DPY19L1: variants seen among roughly 807,000 people sequenced by gnomAD.
The protein encoded by DPY19L1 is protein C-mannosyl-transferase DPY19L1.
A neutral mutation model predicts 96.9 loss-of-function variants in DPY19L1; 35 were observed. The observed-to-expected ratio is 0.36, with a 90% CI of 0.28 to 0.48. The LOEUF (loss-of-function observed/expected upper bound fraction) is 0.48. Ranked by LOEUF, DPY19L1 falls within the 20% of genes least tolerant of loss-of-function variation. The pLI is 0.99. For missense variants in DPY19L1, 521 were observed against 777.9 expected, an observed-to-expected ratio of 0.67 and a Z score of 3.93; for synonymous variants, 205 against 252.6, an observed-to-expected ratio of 0.81 and a Z score of 1.79.
chr7:34,974,342 A>G (rs571661187), intron 7 of DPY19L1, among the ~76,000 whole-genome samples: 1 of 152,324 alleles, frequency 6.6e-6, no homozygotes, highest in African/African-American at 2.4e-5. Flanking sequence ...AGTCACACTA[A>G]AATAATGATG....
At chr7:34,961,773 G>A (rs563197099) in intron 10 of DPY19L1, among the ~76,000 whole-genome samples, 5 of 151,890 alleles carry the variant, frequency 3.3e-5, no homozygotes, top group African/African-American at 4.8e-5. Context: ...CTTAAAACTC[G>A]ACAATAAGGA....
intron 1 of DPY19L1, among the ~76,000 whole-genome samples, chr7:35,019,528 G>C (rs1785941514): frequency 6.6e-6 from 1 of 151,262 alleles, no homozygotes; most frequent in African/African-American, 2.4e-5. Flanking sequence ...GAAGGAAGAA[G>C]AGAAGGAGAA....
intron 3 of DPY19L1, among the ~76,000 whole-genome samples, chr7:35,013,913 A>C (rs2128678820): frequency 6.6e-6 from 1 of 152,332 alleles, no homozygotes; most frequent in Admixed American, 6.5e-5. Flanking sequence ...GAAATAACTG[A>C]ATGCAAAATA....
chr7:35,012,561 T>C lies in DPY19L1; in HGVS notation c.549+1007A>G, dbSNP rs1336529543. Reference sequence around the variant, plus strand: ...CTCATCAGTGTTAGGTTACACACAATACATTTTCAAAAAACAATTCAAGGT... The same window carrying C: ...CTCATCAGTGTTAGGTTACACACAACACATTTTCAAAAAACAATTCAAGGT... On this transcript the variant is annotated intron_variant, in intron 4 of 21. Coordinates refer to ENST00000638088, the MANE Select transcript of DPY19L1 (RefSeq NM_001366673.1). Among the ~76,000 whole-genome samples the C allele has an allele frequency of 7.9e-5, 12 of 152,294 alleles. 1 individual carries two copies. Among genetic ancestry groups the C allele is most frequent in the East Asian group, 7.7e-4 (4 of 5,188 alleles).
chr7:34,946,017 C>G (rs1227546269), intron 15 of DPY19L1, among the ~76,000 whole-genome samples: 5 of 152,202 alleles, frequency 3.3e-5, no homozygotes, highest in Non-Finnish European at 7.3e-5. Context: ...AGTCTTGAAA[C>G]CAGATCTTCT....
rs372049343 is a variant in DPY19L1 at position 34,940,315 on chromosome 7, G to C, written c.1702C>G (p.Leu568Val). ...GCACCAGGATGTACTTTGCAAAAGA[G>C]CCATCCAAATAGCTGAAACCAAATT... ...LICSRQLFGW[L>V]FCKVHPGAIV... The change falls in exon 19 of 22, where the codon CTC becomes GTC. Residue 568 changes from leucine to valine, a missense_variant. Coordinates refer to ENST00000638088, the MANE Select transcript of DPY19L1 (RefSeq NM_001366673.1). 3.7e-6 allele frequency: 6 copies of C among 1,607,080 alleles called. No homozygotes were observed. Among genetic ancestry groups the C allele is most frequent in the African/African-American group, 1.3e-5 (1 of 74,590 alleles).
intron 7 of DPY19L1, among the ~76,000 whole-genome samples, chr7:34,976,183 C>G (rs956856521): frequency 1.3e-5 from 2 of 152,114 alleles, no homozygotes; most frequent in South Asian, 4.2e-4. Context: ...TTTCAGATAC[C>G]ATTAAAATCA....
chr7:34,941,791 T>C lies in DPY19L1; in HGVS notation c.1663A>G (p.Met555Val), dbSNP rs746235796. 1.3e-6 allele frequency: 2 copies of C among 1,599,186 alleles called. No individual in the cohort carries two copies. Among genetic ancestry groups the C allele is most frequent in the Non-Finnish European group, 1.7e-6 (2 of 1,175,734 alleles). Residue 555 changes from methionine to valine, a missense_variant, in exon 18 of 22, where the codon ATG becomes GTG. Coordinates refer to ENST00000638088, the MANE Select transcript of DPY19L1 (RefSeq NM_001366673.1). ...KLFLTPHMCV[M>V]ASLICSRQLF... Reference sequence around the variant, plus strand: ...TGTCTTGAGCAGATCAGTGATGCCATAACACACATGTGTGGTGTCAAGAAG... The same window carrying C: ...TGTCTTGAGCAGATCAGTGATGCCACAACACACATGTGTGGTGTCAAGAAG...
chr7:35,018,456 T>C, intron 2 of DPY19L1, 116 bp downstream of exon 2: 2 of 891,766 alleles, frequency 2.2e-6, no homozygotes, highest in South Asian at 3.1e-5. Context: ...TTGTGTTACA[T>C]GTAATATATA....
intron 7 of DPY19L1, among the ~76,000 whole-genome samples, chr7:34,977,360 T>C (rs1163429909): frequency 6.6e-6 from 1 of 152,194 alleles, no homozygotes; most frequent in Non-Finnish European, 1.5e-5. Context: ...TCCCCCACAT[T>C]TGTTACCCAC....
chr7:34,989,651 A>C (rs761979072), intron 7 of DPY19L1, among the ~76,000 whole-genome samples: 7,914 of 152,024 alleles, frequency 0.052, 472 homozygotes, highest in Admixed American at 0.19. Context: ...CAACAAAAAA[A>C]AAAAACAGAA....
intron 1 of DPY19L1, among the ~76,000 whole-genome samples, chr7:35,023,614 T>A (rs1208268520): frequency 3.3e-5 from 5 of 152,154 alleles, no homozygotes; most frequent in Non-Finnish European, 5.9e-5. Flanking sequence ...TGAGTATTTA[T>A]CAGCATTTTA....
intron 6 of DPY19L1, among the ~76,000 whole-genome samples, chr7:34,997,945 TTAA>T (rs1314828818): frequency 6.6e-6 from 1 of 152,138 alleles, no homozygotes; most frequent in Non-Finnish European, 1.5e-5. Flanking sequence ...ATTAACTGTG[TTAA>T]TGATGACTAT....
chr7:34,966,355 T>G (rs568331763), intron 10 of DPY19L1, among the ~76,000 whole-genome samples: 1 of 152,064 alleles, frequency 6.6e-6, no homozygotes, highest in Non-Finnish European at 1.5e-5. Context: ...TGGAGTGCAG[T>G]GGTGTGATCT....
chr7:35,028,985 G>A (rs149631918), intron 1 of DPY19L1, among the ~76,000 whole-genome samples: 11 of 152,226 alleles, frequency 7.2e-5, no homozygotes, highest in Middle Eastern at 3.4e-3. Flanking sequence ...CACTTTCATC[G>A]CCATCTTGGT....
At chr7:35,037,018 AAGGGG>A (rs139411996) in intron 1 of DPY19L1, 74 bp downstream of exon 1, 51,169 of 112,452 alleles carry the variant, frequency 0.46, 12,073 homozygotes, top group Admixed American at 0.55. Flanking sequence ...GAGGGGAAGG[AAGGGG>A]AGGGGAGGGG....
chr7:35,016,143 CT>C (rs1785842890), intron 3 of DPY19L1, among the ~76,000 whole-genome samples: 1 of 152,324 alleles, frequency 6.6e-6, no homozygotes, highest in African/African-American at 2.4e-5. Context: ...CAATGAGCAT[CT>C]GCCACTGACA....
At chr7:34,984,484 T>C (rs1163796190) in intron 7 of DPY19L1, among the ~76,000 whole-genome samples, 1 of 152,230 alleles carries the variant, frequency 6.6e-6, no homozygotes, top group Admixed American at 6.5e-5. Flanking sequence ...TGAGACAAAA[T>C]CAGAAATCCA....
At chr7:34,966,864 A>C (rs527300505) in intron 10 of DPY19L1, 30 bp downstream of exon 10, 2 of 1,487,150 alleles carry the variant, frequency 1.3e-6, no homozygotes, top group African/African-American at 2.9e-5. Flanking sequence ...AGGGCAAACT[A>C]AATGGAAAAG....
Sources: allele counts gnomAD v4.1 joint callset (sites outside exome capture counted in the v4.1 genomes callset), GRCh38; gene constraint gnomAD v4.1.1; transcripts MANE v1.5; gene names NCBI Gene and HGNC (gene_info 2026-07-23, HGNC 2026-07-21).